MYLK4: variants seen among roughly 807,000 people sequenced by gnomAD.
MYLK4 encodes the protein caMLCK like.
A neutral mutation model predicts 48.1 loss-of-function variants in MYLK4; 46 were observed. The observed-to-expected ratio is 0.96, with a 90% CI of 0.75 to 1.22. The LOEUF is 1.22. Ranked by LOEUF, MYLK4 falls within the 50% of genes most tolerant of loss-of-function variation. MYLK4 has a pLI of 0.00. For synonymous variants in MYLK4, 170 were observed against 180.8 expected (o/e 0.94, Z 0.48); for missense variants, 451 against 486.1 (o/e 0.93, Z 0.68).
chr6:2,692,646 G>GAAA (rs1761850269), intron 3 of MYLK4, 138 bp downstream of exon 3: 1 of 540,148 alleles, frequency 1.9e-6, no homozygotes, highest in African/African-American at 2.3e-5. Context: ...AAAAAAAGGG[G>GAAA]GGGGGGGGCA....
chr6:2,712,205 A>T (rs1012430185), intron 2 of MYLK4, among the ~76,000 whole-genome samples: 1 of 152,226 alleles, frequency 6.6e-6, no homozygotes, highest in East Asian at 1.9e-4. Context: ...TGTTCAGCAG[A>T]GGCCACCTGA....
chr6:2,724,792 G>A (rs925324314), intron 2 of MYLK4, among the ~76,000 whole-genome samples: 5 of 152,228 alleles, frequency 3.3e-5, no homozygotes, highest in Admixed American at 6.5e-5. Flanking sequence ...TTAAGATCAT[G>A]TGACAGGGAG....
intron 2 of MYLK4, among the ~76,000 whole-genome samples, chr6:2,693,861 G>A (rs1007147707): frequency 1.3e-5 from 2 of 150,846 alleles, no homozygotes; most frequent in Non-Finnish European, 2.9e-5. Context: ...GGGTTCAGGC[G>A]ATTCTCCTGC....
upstream of MYLK4, among the ~76,000 whole-genome samples, chr6:2,754,073 T>C (rs914629556): frequency 6.6e-6 from 1 of 151,276 alleles, no homozygotes. Context: ...TCACCAAATA[T>C]GTTGATGGGA....
chr6:2,752,436 T>C (rs1330947325), upstream of MYLK4, among the ~76,000 whole-genome samples: 3 of 152,094 alleles, frequency 2.0e-5, no homozygotes, highest in South Asian at 6.2e-4. Context: ...CAGAATCCCA[T>C]GCAGGATTCC....
At chr6:2,725,593 A>AAGAAAGAGAAAG (rs1763238960) in intron 2 of MYLK4, among the ~76,000 whole-genome samples, 38 of 143,610 alleles carry the variant, frequency 2.6e-4, no homozygotes, top group African/African-American at 7.9e-4. Flanking sequence ...AAGAGAAAGA[A>AAGAAAGAGAAAG]AGAAAGAAAG....
At chr6:2,762,958 G>A in the MYLK4 span, among the ~76,000 whole-genome samples, 37 of 152,228 alleles carry the variant, frequency 2.4e-4, no homozygotes, top group Middle Eastern at 3.4e-3. Context: ...CCAAACACCA[G>A]CTAATGCAAA....
the MYLK4 span, among the ~76,000 whole-genome samples, chr6:2,764,703 G>A: frequency 2.6e-5 from 4 of 152,146 alleles, no homozygotes; most frequent in African/African-American, 7.2e-5. Context: ...GAGACAGAAG[G>A]CTGGTGTTTC....
At chr6:2,725,593 A>AAGAAAGAAAGAAAGAGAAAG (rs1561868230) in intron 2 of MYLK4, among the ~76,000 whole-genome samples, 15 of 143,616 alleles carry the variant, frequency 1.0e-4, no homozygotes, top group African/African-American at 3.5e-4. Context: ...AAGAGAAAGA[A>AAGAAAGAAAGAAAGAGAAAG]AGAAAGAAAG....
chr6:2,677,599 T>C (rs1365421193), intron 10 of MYLK4, among the ~76,000 whole-genome samples: 1 of 152,218 alleles, frequency 6.6e-6, no homozygotes, highest in African/African-American at 2.4e-5. Flanking sequence ...CACTGAATTT[T>C]GAATTAATGT....
At chr6:2,740,889 G>T (rs904333411) in intron 2 of MYLK4, among the ~76,000 whole-genome samples, 2 of 152,194 alleles carry the variant, frequency 1.3e-5, no homozygotes, top group African/African-American at 2.4e-5. Context: ...ATACCACAGG[G>T]CAAAGACCTG....
rs1320069797 is a variant in MYLK4 at position 2,663,723 on chromosome 6, A to C, written c.*4202T>G. On this transcript the variant is annotated 3_prime_UTR_variant, in exon 13 of 13. Transcript: ENST00000274643. Reference sequence around the variant, plus strand: ...GAAAGCAAAGAAAAACAGCTAAATGAAAGTACGTTCAGAAATTTAAAATAT... The same window carrying C: ...GAAAGCAAAGAAAAACAGCTAAATGCAAGTACGTTCAGAAATTTAAAATAT... 1 of 152,582 alleles carries C rather than the reference A, an allele frequency of 6.6e-6. No homozygotes were observed. Among genetic ancestry groups the C allele is most frequent in the Non-Finnish European group, 1.5e-5 (1 of 68,048 alleles). 9.5% of individuals were successfully genotyped at this position (152,582 alleles called of 1,614,324 possible).
chr6:2,769,000 T>C, the MYLK4 span: 1 of 989,368 alleles, frequency 1.0e-6, no homozygotes. Context: ...AGCGTAGGCT[T>C]GTGAACCCAT....
chr6:2,704,119 T>G (rs1193994070), intron 2 of MYLK4, among the ~76,000 whole-genome samples: 1 of 152,224 alleles, frequency 6.6e-6, no homozygotes, highest in African/African-American at 2.4e-5. Flanking sequence ...TCTAACTCAG[T>G]GTCAGCTCAT....
chr6:2,683,045 C>G lies in MYLK4; in HGVS notation c.663G>C (p.Met221Ile), dbSNP rs1232036392. The change falls in exon 7 of 13, where the codon ATG becomes ATC. Residue 221 changes from methionine to isoleucine, a missense_variant. By Grantham distance (10) the Met-to-Ile change is conservative. Coordinates refer to ENST00000274643, the MANE Select transcript of MYLK4 (RefSeq NM_001012418.5). ...ICEGIRHMHQ[M>I]YILHLDLKPE... ...CCTTCAGGTCCAAGTGGAGAATGTA[C>G]ATCTGATGCATGTGCCTTATCCCCT... 6.2e-7 allele frequency: 1 copy of G among 1,614,054 alleles called. No homozygotes were observed. The highest frequency in any genetic ancestry group is 8.5e-7 in the Non-Finnish European group (1 of 1,180,050).
chr6:2,684,116 G>A (rs13192131), intron 6 of MYLK4, among the ~76,000 whole-genome samples: 5,598 of 152,162 alleles, frequency 0.037, 147 homozygotes, highest in African/African-American at 0.078. Flanking sequence ...ATAACAACAC[G>A]CCAGCTGCAC....
At chr6:2,741,684 T>C (rs1207256211) in intron 2 of MYLK4, among the ~76,000 whole-genome samples, 1 of 152,272 alleles carries the variant, frequency 6.6e-6, no homozygotes, top group Non-Finnish European at 1.5e-5. Context: ...CTCACATTTC[T>C]AAATATTCAT....
chr6:2,688,752 A>G, intron 4 of MYLK4, 99 bp downstream of exon 4: 1 of 916,208 alleles, frequency 1.1e-6, no homozygotes, highest in Non-Finnish European at 1.7e-6. Context: ...TTTGTTTCTA[A>G]TGTTTCTAGT....
chr6:2,757,155 T>C, the MYLK4 span, among the ~76,000 whole-genome samples: 27 of 148,578 alleles, frequency 1.8e-4, no homozygotes, highest in East Asian at 5.2e-3. Flanking sequence ...TTTTTTTTAA[T>C]TAAAGATAAA....
Sources: allele counts gnomAD v4.1 joint callset (sites outside exome capture counted in the v4.1 genomes callset), GRCh38; gene constraint gnomAD v4.1.1; transcripts MANE v1.5; gene names NCBI Gene and HGNC (gene_info 2026-07-23, HGNC 2026-07-21).